The following CCDC68 variants were observed in gnomAD, a reference collection of about 807,000 sequenced individuals.
CCDC68 encodes coiled-coil domain-containing protein 68.
Under a neutral mutation model 47.1 loss-of-function variants are expected in CCDC68, and 45 were observed. The ratio of observed to expected loss-of-function variants is 0.96; its 90% CI spans 0.75 to 1.23. The LOEUF (loss-of-function observed/expected upper bound fraction) is 1.23. Among genes scored for constraint, CCDC68 ranks in the 50% most tolerant of loss-of-function variants. The pLI is 0.00. For missense variants in CCDC68, 353 were observed against 373.6 expected, an observed-to-expected ratio of 0.94 and a Z score of 0.45; for synonymous variants, 131 against 129.5, an observed-to-expected ratio of 1.01 and a Z score of -0.08.
At chr18:54,942,852 A>G (rs1568158627) in intron 2 of CCDC68, 49 bp from the exon 3 acceptor site, 3 of 982,504 alleles carry the variant, frequency 3.1e-6, no homozygotes, top group Admixed American at 3.6e-5. Flanking sequence ...TTTTGATTGT[A>G]TGATTATATG....
chr18:54,906,055 G>A (rs1599017377), intron 11 of CCDC68, among the ~76,000 whole-genome samples: 1 of 152,078 alleles, frequency 6.6e-6, no homozygotes, highest in African/African-American at 2.4e-5. Flanking sequence ...ACATTATAGT[G>A]AGTTTATAAT....
chr18:54,923,440 T>TAAAAAA (rs541934468), intron 8 of CCDC68, among the ~76,000 whole-genome samples: 98 of 130,316 alleles, frequency 7.5e-4, no homozygotes, highest in African/African-American at 2.7e-3. Context: ...TCACTGTAAG[T>TAAAAAA]AAAAAAAAAA....
intron 8 of CCDC68, among the ~76,000 whole-genome samples, chr18:54,920,049 G>A (rs941400589): frequency 6.6e-6 from 1 of 152,026 alleles, no homozygotes; most frequent in African/African-American, 2.4e-5. Context: ...CTTTCCCAAA[G>A]CTTCATTCAG....
intron 6 of CCDC68, among the ~76,000 whole-genome samples, chr18:54,935,912 C>T (rs1432889428): frequency 6.6e-6 from 1 of 151,890 alleles, no homozygotes; most frequent in African/African-American, 2.4e-5. Context: ...TTTTTTGACT[C>T]CTCCAGTTCT....
chr18:54,919,481 T>G, intron 8 of CCDC68, 105 bp from the exon 9 acceptor site: 2 of 934,336 alleles, frequency 2.1e-6, no homozygotes, highest in Non-Finnish European at 3.4e-6. Flanking sequence ...CTACTGGGGA[T>G]CAGTTGGGTA....
intron 1 of CCDC68, among the ~76,000 whole-genome samples, chr18:54,958,704 C>T (rs2044753319): frequency 1.3e-5 from 2 of 152,154 alleles, no homozygotes; most frequent in Admixed American, 6.5e-5. Context: ...TGCACGGTCC[C>T]GTACTAACCT....
At chr18:54,938,183 A>C in intron 4 of CCDC68, 86 bp from the exon 5 acceptor site, 3 of 1,267,988 alleles carry the variant, frequency 2.4e-6, no homozygotes, top group East Asian at 2.6e-5. Flanking sequence ...AGTATTACAT[A>C]TATCAAAGAA....
chr18:54,907,394 A>G (rs1396955280), intron 11 of CCDC68, among the ~76,000 whole-genome samples: 1 of 152,190 alleles, frequency 6.6e-6, no homozygotes. Context: ...ATTAGAGTTG[A>G]CAACATAGCA....
Position 54,907,799 on chromosome 18 carries a change from C to A in CCDC68, c.937G>T (p.Ala313Ser). 6.3e-7 allele frequency: 1 copy of A among 1,597,068 alleles called. No homozygotes were observed. The highest frequency in any genetic ancestry group is 8.6e-7 in the Non-Finnish European group (1 of 1,164,610). Reference sequence around the variant, plus strand: ...CAGAGACCTTACCTTGTAGAGACAGCCTTAGATACCTTTGTCCTAGGAGTT... The same window carrying A: ...CAGAGACCTTACCTTGTAGAGACAGACTTAGATACCTTTGTCCTAGGAGTT... The part of the protein sequence containing the change: ...SETPRTKVSK[A>S]VSTSELKTEG... Residue 313 changes from alanine (A) to serine (S), a missense_variant, in exon 11 of 12, where the codon GCT becomes TCT. Coordinates refer to ENST00000591504, the MANE Select transcript of CCDC68 (RefSeq NM_025214.3).
Position 54,934,911 on chromosome 18 carries a change from T to G in CCDC68, c.509A>C (p.His170Pro). 1.3e-6 allele frequency: 2 copies of G among 1,598,002 alleles called. No homozygotes were observed. The highest frequency in any genetic ancestry group is 1.7e-6 in the Non-Finnish European group (2 of 1,173,700). The change falls in exon 7 of 12, where the codon CAT becomes CCT. Residue 170 changes from histidine to proline, a missense_variant. Transcript: ENST00000591504. The part of the protein sequence containing the change: ...KLEKEQKLKQ[H>P]VENLNQVAEK... ...AGCAACTTGATTCAGATTTTCAACATGTTGTTTCAATTTCTGTTCTTTTTC... is the reference window on the plus strand; with the variant it reads ...AGCAACTTGATTCAGATTTTCAACAGGTTGTTTCAATTTCTGTTCTTTTTC...
intron 3 of CCDC68, 112 bp downstream of exon 3, chr18:54,942,563 G>T: frequency 3.1e-6 from 2 of 644,280 alleles, no homozygotes; most frequent in Non-Finnish European, 5.4e-6. Flanking sequence ...TGCCAAACTA[G>T]GGTTGTTCCT....
intron 10 of CCDC68, among the ~76,000 whole-genome samples, chr18:54,912,319 C>T (rs1048926358): frequency 2.6e-5 from 4 of 151,902 alleles, no homozygotes; most frequent in African/African-American, 7.3e-5. Context: ...TAAATAATTT[C>T]GGTAGAGTTA....
intron 1 of CCDC68, among the ~76,000 whole-genome samples, chr18:54,947,280 A>G (rs566960413): frequency 4.6e-5 from 7 of 152,330 alleles, no homozygotes; most frequent in African/African-American, 1.7e-4. Context: ...CGCCAAGAGG[A>G]GGTATTTCCT....
In CCDC68 at chr18:54,942,753, C is replaced by T. The variant is rs971719947; in HGVS notation, c.39G>A (p.Arg13=). Residue 13 remains arginine (R), a synonymous_variant, in exon 3 of 12, where the codon AGG becomes AGA. Coordinates refer to ENST00000591504, the MANE Select transcript of CCDC68 (RefSeq NM_025214.3). Reference sequence around the variant, plus strand: ...AGGCAGAATTATCTTCCATCTTATCCCTTGGGGGAATTTCTGTGGTCACTG... The same window carrying T: ...AGGCAGAATTATCTTCCATCTTATCTCTTGGGGGAATTTCTGTGGTCACTG... The part of the protein sequence containing the change: ...TVTVTTEIPP[R]DKMEDNSALY... 70 of 1,612,162 alleles carry T rather than the reference C, an allele frequency of 4.3e-5. No individual in the cohort carries two copies. The highest frequency in any genetic ancestry group is 5.9e-5 in the Non-Finnish European group (69 of 1,179,046).
At chr18:54,943,144 T>C (rs4801113) in intron 2 of CCDC68, among the ~76,000 whole-genome samples, 58,317 of 151,974 alleles carry the variant, frequency 0.38, 11,439 homozygotes, top group East Asian at 0.59. Flanking sequence ...AAGTACATAA[T>C]AAATGTAGAA....
Position 54,908,094 on chromosome 18 carries a change from C to A in CCDC68, c.874-232G>T, listed in dbSNP as rs548636588. Reference sequence around the variant, plus strand: ...TACCAAGGGACTAAAATAGAGTATTCTGATTTAGCATCTGAAATTCAACAG... The same window carrying A: ...TACCAAGGGACTAAAATAGAGTATTATGATTTAGCATCTGAAATTCAACAG... On this transcript the variant is annotated intron_variant, in intron 10 of 11. Coordinates refer to ENST00000591504, the MANE Select transcript of CCDC68 (RefSeq NM_025214.3). Among the ~76,000 whole-genome samples the A allele has an allele frequency of 1.8e-3, 271 of 152,276 alleles. 1 individual carries two copies. The highest frequency in any genetic ancestry group is 2.3e-3 in the Non-Finnish European group (155 of 68,006).
At position 54,921,679 on chromosome 18, in the gene CCDC68, G is replaced by A. The variant is rs562773071; in HGVS notation, c.684-2303C>T. The stretch of plus-strand genomic sequence containing the variant: ...TGCTACTCTGTTTTAGATGATAATC[G>A]GAAACATGTCTGATTATCATACCTA... On this transcript the variant is annotated intron_variant, in intron 8 of 11. Transcript: ENST00000591504. 1.3e-3 allele frequency among the ~76,000 whole-genome samples: 192 copies of A among 152,280 alleles called. 1 individual carries two copies. The highest frequency in any genetic ancestry group is 4.4e-3 in the African/African-American group (183 of 41,546).
At chr18:54,946,563 T>C (rs1328351443) in intron 1 of CCDC68, among the ~76,000 whole-genome samples, 1 of 152,264 alleles carries the variant, frequency 6.6e-6, no homozygotes, top group Non-Finnish European at 1.5e-5. Context: ...AATGAATCGC[T>C]CTTTAGAATG....
intron 4 of CCDC68, 73 bp downstream of exon 4, chr18:54,940,924 G>T: frequency 9.9e-7 from 1 of 1,010,010 alleles, no homozygotes; most frequent in South Asian, 1.4e-5. Context: ...CTTCAAAGAA[G>T]TTAGTAATTG....
Sources: gnomAD v4.1 joint callset for allele counts (sites outside exome capture counted in the v4.1 genomes callset) on GRCh38, gnomAD v4.1.1 for gene constraint, MANE v1.5 for transcripts, NCBI Gene and HGNC (gene_info 2026-07-23, HGNC 2026-07-21) for gene names.